Variants in SHISAL1 observed in about 807,000 individuals in gnomAD.
SHISAL1 encodes protein shisa-like-1.
In SHISAL1, 9 loss-of-function variants were observed where a neutral mutation model predicts 22.6. That is an observed-to-expected ratio of 0.40 (90% confidence interval 0.24 to 0.70). The LOEUF (loss-of-function observed/expected upper bound fraction) is 0.70, where lower values mean the gene tolerates loss of function less well. Among genes scored for constraint, SHISAL1 ranks in the 30% least tolerant of loss-of-function variants. The pLI is 0.39. For synonymous variants in SHISAL1, 119 were observed against 115.4 expected (o/e 1.03, Z -0.20); for missense variants, 246 against 270.6 (o/e 0.91, Z 0.64).
chr22:44,264,892 A>G (rs2147275799), intron 4 of SHISAL1, among the ~76,000 whole-genome samples: 1 of 151,992 alleles, frequency 6.6e-6, no homozygotes, highest in African/African-American at 2.4e-5. Context: ...GAGGTCCCCA[A>G]CACATACACC....
intron 4 of SHISAL1, among the ~76,000 whole-genome samples, chr22:44,250,257 A>G (rs2055038343): frequency 6.6e-6 from 1 of 152,234 alleles, no homozygotes; most frequent in African/African-American, 2.4e-5. Flanking sequence ...ACTAAATATT[A>G]AACACAGATA....
intron 2 of SHISAL1, among the ~76,000 whole-genome samples, chr22:44,300,052 G>C (rs149271088): frequency 0.011 from 1,705 of 150,962 alleles, 39 homozygotes; most frequent in African/African-American, 0.04. Flanking sequence ...GAGACAGAGA[G>C]ACAGAGACAG....
chr22:44,296,610 G>A (rs1334441384), intron 3 of SHISAL1, 62 bp downstream of exon 3: 6 of 1,504,422 alleles, frequency 4.0e-6, no homozygotes, highest in Non-Finnish European at 5.5e-6. Context: ...CGCGATTTTG[G>A]GAGGCAGGCC....
chr22:44,272,269 G>A (rs2055210858), intron 4 of SHISAL1, among the ~76,000 whole-genome samples: 1 of 152,178 alleles, frequency 6.6e-6, no homozygotes, highest in Admixed American at 6.5e-5. Context: ...TTCCAGAAGT[G>A]TGTCTTCAAA....
chr22:44,328,017 G>A, the SHISAL1 span, among the ~76,000 whole-genome samples: 1 of 152,178 alleles, frequency 6.6e-6, no homozygotes, highest in Admixed American at 6.5e-5. Context: ...TGAATCTGTT[G>A]TACAAGTCAA....
At chr22:44,286,495 G>A (rs2055316789) in intron 3 of SHISAL1, among the ~76,000 whole-genome samples, 1 of 152,184 alleles carries the variant, frequency 6.6e-6, no homozygotes, top group African/African-American at 2.4e-5. Context: ...ACTGCAGACA[G>A]GGTCTGCGCT....
At chr22:44,299,845 CAGAGACAG>C (rs1244939637) in intron 2 of SHISAL1, among the ~76,000 whole-genome samples, 4 of 150,582 alleles carry the variant, frequency 2.7e-5, no homozygotes, top group Middle Eastern at 3.5e-3. Context: ...GAGAGATAGA[CAGAGACAG>C]AGAGACAGAG....
At chr22:44,287,233 C>T (rs1276333073) in intron 3 of SHISAL1, among the ~76,000 whole-genome samples, 1 of 152,348 alleles carries the variant, frequency 6.6e-6, no homozygotes, top group East Asian at 1.9e-4. Flanking sequence ...TCTTCCCAGG[C>T]TTAGGTCAGC....
At chr22:44,300,036 C>G (rs1156639939) in intron 2 of SHISAL1, among the ~76,000 whole-genome samples, 1 of 147,192 alleles carries the variant, frequency 6.8e-6, no homozygotes, top group East Asian at 2.0e-4. Context: ...CACAGAGACA[C>G]AGAAAGAGAC....
chr22:44,330,857 C>A, the SHISAL1 span, among the ~76,000 whole-genome samples: 1 of 152,086 alleles, frequency 6.6e-6, no homozygotes, highest in Non-Finnish European at 1.5e-5. Context: ...GCCCCGGAGG[C>A]GACAGCGGTT....
intron 1 of SHISAL1, among the ~76,000 whole-genome samples, chr22:44,306,429 G>A (rs1235047765): frequency 9.7e-5 from 14 of 144,480 alleles, no homozygotes; most frequent in African/African-American, 3.3e-4. Context: ...GAGGGGACCT[G>A]GGCTCAGGGG....
intron 1 of SHISAL1, among the ~76,000 whole-genome samples, chr22:44,302,386 G>A (rs1314554787): frequency 1.3e-5 from 2 of 150,382 alleles, no homozygotes; most frequent in African/African-American, 4.9e-5. Context: ...AAAGTAGTAA[G>A]TTCTCTGTAA....
At chr22:44,319,507 G>T in the SHISAL1 span, among the ~76,000 whole-genome samples, 1,270 of 152,332 alleles carry the variant, frequency 8.3e-3, 21 homozygotes, top group African/African-American at 0.03. Flanking sequence ...CCCAGTGACA[G>T]GTGAAAAACA....
At chr22:44,278,238 GC>G (rs1446266090) in intron 4 of SHISAL1, among the ~76,000 whole-genome samples, 2 of 152,218 alleles carry the variant, frequency 1.3e-5, no homozygotes, top group African/African-American at 2.4e-5. Flanking sequence ...TGTGCTGGAT[GC>G]TTCCTGCCCT....
chr22:44,250,954 C>T (rs1291112059), intron 4 of SHISAL1, among the ~76,000 whole-genome samples: 2 of 152,218 alleles, frequency 1.3e-5, no homozygotes, highest in Non-Finnish European at 2.9e-5. Flanking sequence ...AACCTACTCT[C>T]CACCCTTTGC....
chr22:44,327,141 C>G, the SHISAL1 span, among the ~76,000 whole-genome samples: 1 of 152,086 alleles, frequency 6.6e-6, no homozygotes, highest in Non-Finnish European at 1.5e-5. Context: ...GGGCCTCTCC[C>G]CATCACAGCA....
At chr22:44,255,983 G>A (rs1310075099) in intron 4 of SHISAL1, among the ~76,000 whole-genome samples, 1 of 152,196 alleles carries the variant, frequency 6.6e-6, no homozygotes, top group Non-Finnish European at 1.5e-5. Context: ...CCCTGTGCAG[G>A]TGGCTTCATC....
At chr22:44,256,234 TCA>T (rs2147269520) in intron 4 of SHISAL1, among the ~76,000 whole-genome samples, 1 of 151,662 alleles carries the variant, frequency 6.6e-6, no homozygotes, top group East Asian at 1.9e-4. Flanking sequence ...GGCCCTCGAC[TCA>T]CACCATCAGC....
At chr22:44,279,151 G>A (rs2055259972) in intron 4 of SHISAL1, among the ~76,000 whole-genome samples, 1 of 152,160 alleles carries the variant, frequency 6.6e-6, no homozygotes, top group South Asian at 2.1e-4. Context: ...AGCCTCCGGG[G>A]TTTTAGCCAA....
Sources: gnomAD v4.1 joint callset for allele counts (sites outside exome capture counted in the v4.1 genomes callset) on GRCh38, gnomAD v4.1.1 for gene constraint, MANE v1.5 for transcripts, NCBI Gene and HGNC (gene_info 2026-07-23, HGNC 2026-07-21) for gene names.